The following CDH12 variants were observed in gnomAD, a reference collection of about 807,000 sequenced individuals.
CDH12 encodes the protein cadherin 12.
In CDH12, 41 loss-of-function variants were observed where a neutral mutation model predicts 74.1. That is an observed-to-expected ratio of 0.55 (90% CI 0.43 to 0.72). The LOEUF (loss-of-function observed/expected upper bound fraction) is 0.72, where lower values mean the gene tolerates loss of function less well. Ranked by LOEUF, CDH12 falls within the 30% of genes least tolerant of loss-of-function variation. CDH12 has a pLI of 0.00. For synonymous variants in CDH12, 399 were observed against 355.0 expected, an observed-to-expected ratio of 1.12 and a Z score of -1.39; for missense variants, 945 against 977.2, an observed-to-expected ratio of 0.97 and a Z score of 0.44.
intron 5 of CDH12, among the ~76,000 whole-genome samples, chr5:22,026,395 T>C (rs545456728): frequency 6.6e-6 from 1 of 152,142 alleles, no homozygotes; most frequent in Non-Finnish European, 1.5e-5. Flanking sequence ...AGCATAAAAT[T>C]TGACCAACTG....
At chr5:22,671,774 G>A (rs1292268143) in intron 1 of CDH12, among the ~76,000 whole-genome samples, 1 of 151,758 alleles carries the variant, frequency 6.6e-6, no homozygotes, top group African/African-American at 2.4e-5. Flanking sequence ...GTGAACAAAG[G>A]GAACAGTGGA....
At chr5:22,539,145 G>A (rs1003911273) in intron 1 of CDH12, among the ~76,000 whole-genome samples, 1 of 152,228 alleles carries the variant, frequency 6.6e-6, no homozygotes, top group Non-Finnish European at 1.5e-5. Flanking sequence ...AGGGAGTTCA[G>A]AAGAGCAAAT....
At chr5:22,596,498 A>T (rs116489298) in intron 1 of CDH12, among the ~76,000 whole-genome samples, 2,597 of 152,256 alleles carry the variant, frequency 0.017, 46 homozygotes, top group Non-Finnish European at 0.026. Context: ...AGAAAATAAA[A>T]TCTGAAAGTT....
chr5:22,073,389 CTT>C (rs1164386445), intron 5 of CDH12, among the ~76,000 whole-genome samples: 1 of 152,092 alleles, frequency 6.6e-6, no homozygotes, highest in African/African-American at 2.4e-5. Flanking sequence ...TATGAAAAAA[CTT>C]AGTACCACAC....
At position 21,880,231 on chromosome 5, in the gene CDH12, TCAAA is replaced by T. The variant is rs372267359; in HGVS notation, c.527-25445_527-25442del. On this transcript the variant is annotated intron_variant, in intron 6 of 14. Transcript: ENST00000382254. ...TTGTACCCTGATGAGTACCTATGGC[TCAAA>T]CAAAGTTATATTTCCTTCCAACTAC... 4.1e-4 allele frequency among the ~76,000 whole-genome samples: 62 copies of T among 152,328 alleles called. 1 individual carries two copies. The East Asian group carries it at 6.9e-3, about 17-fold the overall frequency.
At chr5:22,283,251 T>TACACAC (rs70959712) in intron 3 of CDH12, among the ~76,000 whole-genome samples, 8 of 102,058 alleles carry the variant, frequency 7.8e-5, no homozygotes, top group African/African-American at 2.5e-4. Context: ...TATATATATA[T>TACACAC]ACACACACAC....
At chr5:22,687,074 T>A (rs563011872) in intron 1 of CDH12, among the ~76,000 whole-genome samples, 1 of 152,196 alleles carries the variant, frequency 6.6e-6, no homozygotes, top group East Asian at 1.9e-4. Flanking sequence ...GGCGCGTGGA[T>A]CACGACGTCA....
At chr5:22,815,135 G>A (rs149847822) in intron 1 of CDH12, among the ~76,000 whole-genome samples, 3 of 152,242 alleles carry the variant, frequency 2.0e-5, no homozygotes, top group South Asian at 2.1e-4. Context: ...ATTAGTTGGC[G>A]ATGATCACAT....
intron 2 of CDH12, among the ~76,000 whole-genome samples, chr5:22,416,060 CTTTTTTTTTTTTTTTTT>C (rs58606764): frequency 7.7e-5 from 5 of 65,122 alleles, no homozygotes; most frequent in Admixed American, 2.7e-4. Context: ...ACTTGTAGGT[CTTTTTTTTTTTTTTTTT>C]TTTTTTTTTT....
At chr5:22,473,353 TCTCTA>T (rs577017085) in intron 2 of CDH12, among the ~76,000 whole-genome samples, 135 of 152,272 alleles carry the variant, frequency 8.9e-4, no homozygotes, top group African/African-American at 3.2e-3. Context: ...AAATATTATC[TCTCTA>T]CTCTAAGTTA....
chr5:22,130,379 C>A (rs1042774436), intron 4 of CDH12, among the ~76,000 whole-genome samples: 1 of 152,000 alleles, frequency 6.6e-6, no homozygotes, highest in African/African-American at 2.4e-5. Context: ...GGGTGATGGA[C>A]ATTAGAATGC....
At chr5:22,289,387 C>A (rs1040102737) in intron 3 of CDH12, among the ~76,000 whole-genome samples, 1 of 152,140 alleles carries the variant, frequency 6.6e-6, no homozygotes, top group African/African-American at 2.4e-5. Flanking sequence ...GAGAAGTCAT[C>A]TGTTCATCAA....
intron 3 of CDH12, among the ~76,000 whole-genome samples, chr5:22,237,296 T>C (rs1485088466): frequency 6.6e-6 from 1 of 152,176 alleles, no homozygotes; most frequent in Non-Finnish European, 1.5e-5. Context: ...AAATTCTGGC[T>C]ATCTGATTTT....
chr5:22,330,105 C>A (rs931455413), intron 3 of CDH12, among the ~76,000 whole-genome samples: 5 of 152,140 alleles, frequency 3.3e-5, no homozygotes, highest in Admixed American at 2.0e-4. Flanking sequence ...CTTCTTTCTG[C>A]TTAAGGAGAG....
At position 22,803,791 on chromosome 5, in the gene CDH12, G is replaced by A. The variant is rs555980137; in HGVS notation, c.-523+49267C>T. On this transcript the variant is annotated intron_variant, in intron 1 of 14. Coordinates refer to ENST00000382254, the MANE Select transcript of CDH12 (RefSeq NM_004061.5). Reference sequence around the variant, plus strand: ...GAAAGCCTCGTTATGTAAGTGATGAGCGTTTTCAAATCCTTTCGTGTGTTT... The same window carrying A: ...GAAAGCCTCGTTATGTAAGTGATGAACGTTTTCAAATCCTTTCGTGTGTTT... Among the ~76,000 whole-genome samples the A allele has an allele frequency of 5.9e-5, 9 of 152,280 alleles. No homozygotes were observed. The South Asian group carries it at 1.9e-3, about 32-fold the overall frequency.
At chr5:22,841,113 T>C (rs917831608) in intron 1 of CDH12, among the ~76,000 whole-genome samples, 1 of 152,196 alleles carries the variant, frequency 6.6e-6, no homozygotes, top group African/African-American at 2.4e-5. Context: ...TCTAAAAGAA[T>C]AGCATTTTCT....
At chr5:22,814,693 T>G (rs1749303876) in intron 1 of CDH12, among the ~76,000 whole-genome samples, 1 of 152,200 alleles carries the variant, frequency 6.6e-6, no homozygotes, top group African/African-American at 2.4e-5. Flanking sequence ...TCATCTATTG[T>G]GCTTATTAAT....
chr5:22,554,354 A>T (rs9293022), intron 1 of CDH12, among the ~76,000 whole-genome samples: 24,419 of 152,084 alleles, frequency 0.16, 2,527 homozygotes, highest in East Asian at 0.37. Context: ...TTGTGACAAA[A>T]GTACCACTCT....
chr5:22,646,191 A>G (rs1299357023), intron 1 of CDH12, among the ~76,000 whole-genome samples: 1 of 151,906 alleles, frequency 6.6e-6, no homozygotes, highest in Non-Finnish European at 1.5e-5. Context: ...ATAAGAAAAT[A>G]TAATGAATTA....
Sources: allele counts gnomAD v4.1 joint callset (sites outside exome capture counted in the v4.1 genomes callset), GRCh38; gene constraint gnomAD v4.1.1; transcripts MANE v1.5; gene names NCBI Gene and HGNC (gene_info 2026-07-23, HGNC 2026-07-21).